The following EIPR1 variants were observed in gnomAD, a reference collection of about 807,000 sequenced individuals.
EIPR1 encodes EARP and GARP complex-interacting protein 1.
In EIPR1, 25 loss-of-function variants were observed where a neutral mutation model predicts 48.1. That is an observed-to-expected ratio of 0.52 (90% CI 0.38 to 0.73). EIPR1 has a LOEUF of 0.73. Among genes scored for constraint, EIPR1 ranks in the 30% least tolerant of loss-of-function variants. The pLI is 0.00. For synonymous variants in EIPR1, 204 were observed against 201.9 expected, an observed-to-expected ratio of 1.01 and a Z score of -0.09; for missense variants, 415 against 506.2, an observed-to-expected ratio of 0.82 and a Z score of 1.73.
At chr2:3,231,753 G>A (rs985572253) in intron 4 of EIPR1, among the ~76,000 whole-genome samples, 1 of 152,130 alleles carries the variant, frequency 6.6e-6, no homozygotes, top group Non-Finnish European at 1.5e-5. Flanking sequence ...TTTTATCGAG[G>A]ACTTGCACTT....
At chr2:3,194,697 G>C (rs202057044) in intron 6 of EIPR1, among the ~76,000 whole-genome samples, 10 of 113,276 alleles carry the variant, frequency 8.8e-5, no homozygotes, top group Admixed American at 1.8e-4. Flanking sequence ...GAGAGAGAAA[G>C]GGGGGGGCAG....
intron 1 of EIPR1, among the ~76,000 whole-genome samples, chr2:3,376,694 A>T (rs1659896027): frequency 6.6e-6 from 1 of 151,098 alleles, no homozygotes; most frequent in African/African-American, 2.4e-5. Flanking sequence ...CCATCTCAAA[A>T]AAAAAAAAAA....
intron 3 of EIPR1, among the ~76,000 whole-genome samples, chr2:3,270,881 TCTAGCATGTGATG>T: frequency 6.6e-6 from 1 of 152,372 alleles, no homozygotes; most frequent in Admixed American, 6.5e-5. Context: ...GAAAGATTTC[TCTAGCATGTGATG>T]CTATTTGACA....
chr2:3,203,816 C>T (rs1349197921), intron 5 of EIPR1, among the ~76,000 whole-genome samples: 8 of 152,244 alleles, frequency 5.3e-5, no homozygotes, highest in Non-Finnish European at 1.5e-5. Flanking sequence ...TGGGGCCACA[C>T]GGCCAGGAGC....
Position 3,299,624 on chromosome 2 carries a change from T to TCACACACACACA in EIPR1, c.259+38381_259+38392dup, listed in dbSNP as rs3064647. On this transcript the variant is annotated intron_variant, in intron 3 of 8. Transcript: ENST00000382125. Reference sequence around the variant, plus strand: ...TATTTTCTCTCTCTCTCTCTCTCTCTCACACACACACACACACACACACAC... The same window carrying TCACACACACACA: ...TATTTTCTCTCTCTCTCTCTCTCTCTCACACACACACACACACACACACACACACACACACAC... 3.7e-4 allele frequency among the ~76,000 whole-genome samples: 51 copies of TCACACACACACA among 136,808 alleles called. 1 individual carries two copies. The South Asian group carries it at 8.6e-3, about 23-fold the overall frequency. 89.8% of individuals were successfully genotyped at this position (136,808 alleles called of 152,430 possible).
chr2:3,320,298 C>A, intron 3 of EIPR1: 1 of 167,270 alleles, frequency 6.0e-6, no homozygotes, highest in South Asian at 1.2e-4. Flanking sequence ...CGGATGACAC[C>A]ACACCTGCGG....
chr2:3,354,268 G>C (rs1240229762), intron 2 of EIPR1, among the ~76,000 whole-genome samples: 1 of 152,188 alleles, frequency 6.6e-6, no homozygotes, highest in Non-Finnish European at 1.5e-5. Context: ...ACATATCCTT[G>C]CTTCTCAATT....
intron 3 of EIPR1, among the ~76,000 whole-genome samples, chr2:3,323,939 G>A (rs1669613150): frequency 6.6e-6 from 1 of 152,220 alleles, no homozygotes; most frequent in East Asian, 1.9e-4. Flanking sequence ...CAGCAAGGGT[G>A]AGGCTGAACA....
intron 5 of EIPR1, among the ~76,000 whole-genome samples, chr2:3,210,841 G>A (rs537386578): frequency 2.0e-5 from 3 of 151,958 alleles, no homozygotes; most frequent in Admixed American, 6.6e-5. Context: ...GTTTCACCAC[G>A]TTGGCCAGGC....
intron 3 of EIPR1, among the ~76,000 whole-genome samples, chr2:3,327,825 G>C (rs992855054): frequency 1.9e-4 from 29 of 151,624 alleles, no homozygotes; most frequent in Admixed American, 1.8e-3. Context: ...TACTCAACTC[G>C]TTTTGTTGTT....
chr2:3,359,117 C>T (rs990382439), intron 1 of EIPR1, among the ~76,000 whole-genome samples: 8 of 152,054 alleles, frequency 5.3e-5, no homozygotes, highest in African/African-American at 1.7e-4. Context: ...AGATGATAGA[C>T]GATTAAGTAT....
At chr2:3,234,253 T>A (rs935606605) in intron 4 of EIPR1, among the ~76,000 whole-genome samples, 2 of 152,374 alleles carry the variant, frequency 1.3e-5, no homozygotes. Flanking sequence ...TCGCTCAATG[T>A]CACTGGCTGA....
intron 3 of EIPR1, among the ~76,000 whole-genome samples, chr2:3,272,148 G>A (rs1466631526): frequency 6.6e-6 from 1 of 152,182 alleles, no homozygotes; most frequent in Non-Finnish European, 1.5e-5. Context: ...AAAGAGTGAG[G>A]GTCTTGCTCC....
At chr2:3,319,306 C>G in intron 3 of EIPR1, 1 of 236,260 alleles carries the variant, frequency 4.2e-6, no homozygotes, top group Admixed American at 5.0e-5. Flanking sequence ...CGCTGCTGGC[C>G]CGGCAGGTCA....
intron 2 of EIPR1, among the ~76,000 whole-genome samples, chr2:3,350,117 CAAAAAAAAAA>C (rs35912767): frequency 1.0e-3 from 58 of 57,464 alleles, no homozygotes; most frequent in African/African-American, 4.3e-3. Context: ...GACTCTGTCT[CAAAAAAAAAA>C]AAAAAAAAAA....
rs536385466 is a variant in EIPR1 at position 3,277,382 on chromosome 2, A to G, written c.260-19927T>C. On this transcript the variant is annotated intron_variant, in intron 3 of 8. Transcript: ENST00000382125. ...CATTTCTGGGAATAATTTACATAAG[A>G]AGGGTGATTTACATGCGGGATACTC... Among the ~76,000 whole-genome samples the G allele has an allele frequency of 5.9e-5, 9 of 152,296 alleles. No homozygotes were observed. The East Asian group carries it at 1.7e-3, about 29-fold the overall frequency.
intron 4 of EIPR1, among the ~76,000 whole-genome samples, chr2:3,219,670 A>G (rs1665800057): frequency 7.2e-6 from 1 of 138,998 alleles, no homozygotes; most frequent in Non-Finnish European, 1.6e-5. Flanking sequence ...GAGCATTCAC[A>G]GTGACTCAGG....
chr2:3,353,827 T>C (rs1178954437), intron 2 of EIPR1, among the ~76,000 whole-genome samples: 1 of 152,190 alleles, frequency 6.6e-6, no homozygotes, highest in Non-Finnish European at 1.5e-5. Flanking sequence ...CTTCGACAGC[T>C]ATTTGAATGC....
chr2:3,192,982 A>C (rs1170806462), intron 7 of EIPR1, among the ~76,000 whole-genome samples: 5 of 152,106 alleles, frequency 3.3e-5, no homozygotes, highest in Admixed American at 2.0e-4. Context: ...GGGTCCTGAG[A>C]CCAGGGCATG....
Sources: gnomAD v4.1 joint callset for allele counts (sites outside exome capture counted in the v4.1 genomes callset) on GRCh38, gnomAD v4.1.1 for gene constraint, MANE v1.5 for transcripts, NCBI Gene and HGNC (gene_info 2026-07-23, HGNC 2026-07-21) for gene names.